Variants in ELMO1 observed in about 807,000 individuals in gnomAD.
ELMO1 encodes engulfment and cell motility 1, also known as engulfment and cell motility protein 1.
In ELMO1, 26 loss-of-function variants were observed where a neutral mutation model predicts 98.9. The observed-to-expected ratio is 0.26, with a 90% CI of 0.19 to 0.36. ELMO1 has a LOEUF of 0.36. ELMO1 is among the 10% of genes least tolerant of loss of function. ELMO1 has a pLI of 1.00. For synonymous variants in ELMO1, 346 were observed against 346.0 expected, an observed-to-expected ratio of 1.00 and a Z score of 0.00; for missense variants, 627 against 935.2, an observed-to-expected ratio of 0.67 and a Z score of 4.30.
At chr7:37,081,707 G>C (rs1220310342) in intron 15 of ELMO1, among the ~76,000 whole-genome samples, 1 of 152,142 alleles carries the variant, frequency 6.6e-6, no homozygotes, top group East Asian at 1.9e-4. Context: ...CCAGACAGGT[G>C]GAACTGTGAG....
chr7:37,435,630 A>G (rs569676784), intron 1 of ELMO1, among the ~76,000 whole-genome samples: 22 of 152,390 alleles, frequency 1.4e-4, no homozygotes, highest in African/African-American at 5.0e-4. Flanking sequence ...TGCCTGTCTT[A>G]TCATTCCCAG....
At chr7:37,402,522 C>T (rs138145339) in intron 1 of ELMO1, among the ~76,000 whole-genome samples, 6 of 152,182 alleles carry the variant, frequency 3.9e-5, no homozygotes, top group South Asian at 2.1e-4. Context: ...GTGCTACAGC[C>T]GCCATCTTAA....
intron 14 of ELMO1, among the ~76,000 whole-genome samples, chr7:37,119,805 A>T (rs2129286243): frequency 6.6e-6 from 1 of 152,270 alleles, no homozygotes; most frequent in African/African-American, 2.4e-5. Context: ...AGGCATTTCT[A>T]TTCTCCCCCC....
intron 1 of ELMO1, among the ~76,000 whole-genome samples, chr7:37,343,960 C>T (rs974570208): frequency 2.6e-5 from 4 of 151,868 alleles, no homozygotes; most frequent in African/African-American, 9.7e-5. Flanking sequence ...TCCCTCCAAA[C>T]TTTCTTCAAG....
At chr7:36,957,369 C>G (rs190167246) in intron 16 of ELMO1, among the ~76,000 whole-genome samples, 1 of 152,308 alleles carries the variant, frequency 6.6e-6, no homozygotes, top group African/African-American at 2.4e-5. Context: ...TAACTCCCTG[C>G]CCAGTTCCTT....
intron 13 of ELMO1, among the ~76,000 whole-genome samples, chr7:37,174,065 A>C: frequency 6.6e-6 from 1 of 152,162 alleles, no homozygotes; most frequent in African/African-American, 2.4e-5. Context: ...ACCTCATCAA[A>C]TTCCTTAACG....
chr7:36,874,568 T>A (rs1390235401), intron 19 of ELMO1, among the ~76,000 whole-genome samples: 1 of 152,250 alleles, frequency 6.6e-6, no homozygotes, highest in Non-Finnish European at 1.5e-5. Flanking sequence ...TTATTCGCTG[T>A]GCTTTGGTGA....
intron 1 of ELMO1, among the ~76,000 whole-genome samples, chr7:37,433,521 T>G (rs918978): frequency 0.41 from 62,355 of 151,842 alleles, 13,015 homozygotes; most frequent in Admixed American, 0.47. Flanking sequence ...CCCACCAAAC[T>G]GCCAGACACC....
chr7:37,362,996 A>C (rs190042602), intron 1 of ELMO1, among the ~76,000 whole-genome samples: 1 of 152,348 alleles, frequency 6.6e-6, no homozygotes, highest in East Asian at 1.9e-4. Flanking sequence ...ATTGAGTTTG[A>C]GGACAGCTGC....
intron 2 of ELMO1, among the ~76,000 whole-genome samples, chr7:37,341,842 T>C (rs1003140107): frequency 3.3e-5 from 5 of 152,234 alleles, no homozygotes; most frequent in African/African-American, 7.2e-5. Flanking sequence ...CCTGTAAGTA[T>C]ATAATAGGTC....
At chr7:37,146,094 T>C (rs990093851) in intron 13 of ELMO1, among the ~76,000 whole-genome samples, 3 of 152,186 alleles carry the variant, frequency 2.0e-5, no homozygotes, top group African/African-American at 4.8e-5. Context: ...ATCAGTTCAA[T>C]GAGAAGCTCT....
chr7:37,246,820 C>CTA (rs961006009), intron 6 of ELMO1, among the ~76,000 whole-genome samples: 9 of 150,048 alleles, frequency 6.0e-5, no homozygotes, highest in Non-Finnish European at 1.0e-4. Context: ...AGATATCTAT[C>CTA]TATATATATA....
At chr7:37,332,875 G>A (rs544779863) in intron 2 of ELMO1, among the ~76,000 whole-genome samples, 84 of 152,174 alleles carry the variant, frequency 5.5e-4, no homozygotes, top group Non-Finnish European at 9.8e-4. Flanking sequence ...AGGAAGAAGC[G>A]TGGCCTGGCA....
chr7:37,050,769 CA>C (rs34188455), intron 15 of ELMO1, among the ~76,000 whole-genome samples: 4,956 of 133,086 alleles, frequency 0.037, 125 homozygotes, highest in African/African-American at 0.078. Flanking sequence ...ATACAATTAC[CA>C]AAAAAAAAAA....
intron 1 of ELMO1, among the ~76,000 whole-genome samples, chr7:37,416,862 A>G (rs977695029): frequency 6.6e-6 from 1 of 152,258 alleles, no homozygotes; most frequent in African/African-American, 2.4e-5. Context: ...CAGGTGAGTC[A>G]GAATGTGTTT....
intron 16 of ELMO1, among the ~76,000 whole-genome samples, chr7:36,971,556 C>G (rs1789953172): frequency 6.6e-6 from 1 of 152,154 alleles, no homozygotes; most frequent in Non-Finnish European, 1.5e-5. Flanking sequence ...TCCATCTCTC[C>G]CTGGGAAGGA....
intron 14 of ELMO1, among the ~76,000 whole-genome samples, chr7:37,113,809 G>A (rs1014432333): frequency 4.6e-5 from 7 of 152,192 alleles, no homozygotes; most frequent in African/African-American, 1.7e-4. Flanking sequence ...GTGCCAACAG[G>A]GTGTGAGTGC....
intron 16 of ELMO1, among the ~76,000 whole-genome samples, chr7:36,922,526 T>C (rs558650926): frequency 6.6e-6 from 1 of 152,190 alleles, no homozygotes; most frequent in Admixed American, 6.5e-5. Flanking sequence ...ATTCTTGGAT[T>C]GCGGGATCTT....
At chr7:37,420,202 A>T (rs908508723) in intron 1 of ELMO1, among the ~76,000 whole-genome samples, 1 of 101,890 alleles carries the variant, frequency 9.8e-6, no homozygotes, top group African/African-American at 3.5e-5. Flanking sequence ...TCCAAGGGCA[A>T]TGTGAAAATA....
Sources: gnomAD v4.1 joint callset for allele counts (sites outside exome capture counted in the v4.1 genomes callset) on GRCh38, gnomAD v4.1.1 for gene constraint, MANE v1.5 for transcripts, NCBI Gene and HGNC (gene_info 2026-07-23, HGNC 2026-07-21) for gene names.